SNTG1: variants seen among roughly 807,000 people sequenced by gnomAD.
SNTG1 encodes the protein gamma-1-syntrophin.
A neutral mutation model predicts 74.7 loss-of-function variants in SNTG1; 39 were observed. The ratio of observed to expected loss-of-function variants is 0.52; its 90% CI spans 0.40 to 0.68. The LOEUF (loss-of-function observed/expected upper bound fraction) is 0.68, where lower values mean the gene tolerates loss of function less well. Ranked by LOEUF, SNTG1 falls within the 30% of genes least tolerant of loss-of-function variation. The pLI, the probability that SNTG1 is intolerant of heterozygous loss-of-function variation, is 0.00. For synonymous variants in SNTG1, 254 were observed against 217.1 expected, an observed-to-expected ratio of 1.17 and a Z score of -1.49; for missense variants, 685 against 609.5, an observed-to-expected ratio of 1.12 and a Z score of -1.30.
chr8:50,328,955 G>T (rs1285029934), intron 2 of SNTG1, among the ~76,000 whole-genome samples: 2 of 152,160 alleles, frequency 1.3e-5, no homozygotes, highest in Non-Finnish European at 2.9e-5. Context: ...CACAATGTGG[G>T]TGTAAGCATT....
At chr8:50,434,251 G>A (rs1331903495) in intron 4 of SNTG1, among the ~76,000 whole-genome samples, 1 of 152,104 alleles carries the variant, frequency 6.6e-6, no homozygotes, top group Admixed American at 6.6e-5. Context: ...AGTATTCCAT[G>A]GTATATGTGT....
intron 1 of SNTG1, among the ~76,000 whole-genome samples, chr8:50,085,816 C>G (rs1822831273): frequency 6.6e-6 from 1 of 152,298 alleles, no homozygotes. Context: ...CATGGCTGTA[C>G]TTTAGGGTTT....
At position 50,742,157 on chromosome 8, in the gene SNTG1, C is replaced by A. The variant is rs192265481; in HGVS notation, c.1285-9844C>A. On this transcript the variant is annotated intron_variant, in intron 17 of 18. Transcript: ENST00000642720. ...TAATTTTAAAAAAATCATACACACA[C>A]AAAATTAACCAACTGGATCTAACAG... 9.6e-4 allele frequency among the ~76,000 whole-genome samples: 146 copies of A among 151,958 alleles called. 1 individual carries two copies. Among genetic ancestry groups the A allele is most frequent in the African/African-American group, 3.4e-3 (142 of 41,490 alleles).
At chr8:50,674,503 TG>T (rs2095300843) in intron 15 of SNTG1, among the ~76,000 whole-genome samples, 1 of 152,194 alleles carries the variant, frequency 6.6e-6, no homozygotes, top group Non-Finnish European at 1.5e-5. Context: ...TGTATTTCTC[TG>T]GGGTCAGTAG....
rs189643192 is a variant in SNTG1, at chr8:50,240,137, T to C, written c.-28+67502T>C. On this transcript the variant is annotated intron_variant, in intron 2 of 18. Coordinates refer to ENST00000642720, the MANE Select transcript of SNTG1 (RefSeq NM_018967.5). ...TGCAGAGAGAGCTCATTAATATGCCTGTTAGACTTTTGCAATGAGACATGC... is the reference window on the plus strand; with the variant it reads ...TGCAGAGAGAGCTCATTAATATGCCCGTTAGACTTTTGCAATGAGACATGC... Among the ~76,000 whole-genome samples, 357 of 152,310 alleles carry C rather than the reference T, an allele frequency of 2.3e-3. 8 individuals carry two copies. The highest frequency in any genetic ancestry group is 1.1e-3 in the Non-Finnish European group (73 of 68,024).
At chr8:50,378,188 G>A (rs1007641104) in intron 2 of SNTG1, among the ~76,000 whole-genome samples, 2 of 152,222 alleles carry the variant, frequency 1.3e-5, no homozygotes, top group Non-Finnish European at 2.9e-5. Flanking sequence ...TGGGGAGGGT[G>A]GCTCCAGGTG....
At chr8:50,217,642 GGTTCC>G (rs2084858766) in intron 2 of SNTG1, among the ~76,000 whole-genome samples, 1 of 57,416 alleles carries the variant, frequency 1.7e-5, no homozygotes, top group Admixed American at 1.5e-4. Flanking sequence ...TTATATTAAA[GGTTCC>G]ATGGTTCCAT....
At chr8:50,437,546 C>T (rs775907841) in intron 4 of SNTG1, among the ~76,000 whole-genome samples, 5 of 152,046 alleles carry the variant, frequency 3.3e-5, no homozygotes, top group Non-Finnish European at 7.4e-5. Flanking sequence ...ATGAGGGAAG[C>T]AATTCATCTG....
chr8:50,480,372 G>A (rs1285852638), intron 8 of SNTG1, among the ~76,000 whole-genome samples: 1 of 152,064 alleles, frequency 6.6e-6, no homozygotes, highest in Non-Finnish European at 1.5e-5. Context: ...ATTGTCATTC[G>A]ATGACTTGAG....
At chr8:50,724,902 C>T (rs56000364) in intron 17 of SNTG1, among the ~76,000 whole-genome samples, 2,083 of 152,038 alleles carry the variant, frequency 0.014, 37 homozygotes, top group African/African-American at 0.044. Flanking sequence ...AACTTTTATT[C>T]TACAAATGGG....
intron 1 of SNTG1, among the ~76,000 whole-genome samples, chr8:50,161,922 C>T (rs1397160082): frequency 2.0e-5 from 3 of 152,012 alleles, no homozygotes; most frequent in Non-Finnish European, 4.4e-5. Flanking sequence ...TAATCTTAGA[C>T]AAGCATTCAA....
At chr8:50,234,531 T>C (rs1410561078) in intron 2 of SNTG1, among the ~76,000 whole-genome samples, 1 of 152,004 alleles carries the variant, frequency 6.6e-6, no homozygotes, top group Non-Finnish European at 1.5e-5. Flanking sequence ...TGTACCAATG[T>C]CAATTTTCTG....
At chr8:50,629,515 T>C (rs567844733) in intron 13 of SNTG1, among the ~76,000 whole-genome samples, 4 of 152,034 alleles carry the variant, frequency 2.6e-5, no homozygotes, top group African/African-American at 4.8e-5. Context: ...CCATACTCAG[T>C]TAATTGATAC....
At chr8:50,457,363 G>A (rs1407883309) in intron 8 of SNTG1, among the ~76,000 whole-genome samples, 3 of 152,122 alleles carry the variant, frequency 2.0e-5, no homozygotes, top group Non-Finnish European at 4.4e-5. Context: ...AATGCACCAT[G>A]CTGATGCAAG....
At chr8:50,627,152 A>AC (rs899746999) in intron 13 of SNTG1, among the ~76,000 whole-genome samples, 7 of 152,110 alleles carry the variant, frequency 4.6e-5, no homozygotes, top group Non-Finnish European at 1.0e-4. Flanking sequence ...TCCAGGCATG[A>AC]CTGCCATTGC....
At chr8:50,409,361 T>C (rs892245618) in intron 4 of SNTG1, among the ~76,000 whole-genome samples, 2 of 152,196 alleles carry the variant, frequency 1.3e-5, no homozygotes, top group Non-Finnish European at 2.9e-5. Flanking sequence ...TATTAACTAC[T>C]TTTGAGGAAC....
At chr8:50,168,970 A>G (rs2082718968) in intron 1 of SNTG1, among the ~76,000 whole-genome samples, 1 of 152,214 alleles carries the variant, frequency 6.6e-6, no homozygotes. Context: ...AAGTCATTTT[A>G]TCATATGTAT....
At chr8:50,601,829 A>G (rs2094777295) in intron 13 of SNTG1, among the ~76,000 whole-genome samples, 1 of 152,122 alleles carries the variant, frequency 6.6e-6, no homozygotes, top group African/African-American at 2.4e-5. Flanking sequence ...TGTAATTGCT[A>G]TATCCTCTTG....
chr8:50,404,651 T>G (rs534595822), intron 4 of SNTG1, among the ~76,000 whole-genome samples: 2 of 152,100 alleles, frequency 1.3e-5, no homozygotes, highest in Admixed American at 6.5e-5. Flanking sequence ...TGTGGTAAAA[T>G]ATACATAATA....
Sources: allele counts gnomAD v4.1 joint callset (sites outside exome capture counted in the v4.1 genomes callset), GRCh38; gene constraint gnomAD v4.1.1; transcripts MANE v1.5; gene names NCBI Gene and HGNC (gene_info 2026-07-23, HGNC 2026-07-21).